ANKRD30B: variants seen among roughly 807,000 people sequenced by gnomAD.
ANKRD30B encodes the protein ankyrin repeat domain 30B.
ANKRD30B carries 144 observed loss-of-function variants against 202.2 expected under a neutral mutation model. The ratio of observed to expected loss-of-function variants is 0.71; its 90% CI spans 0.62 to 0.82. The LOEUF (loss-of-function observed/expected upper bound fraction) is 0.82. Among genes scored for constraint, ANKRD30B ranks in the 40% least tolerant of loss-of-function variants. The pLI is 0.00. For synonymous variants in ANKRD30B, 508 were observed against 561.3 expected (o/e 0.91, Z 1.34); for missense variants, 1,487 against 1,669.1 (o/e 0.89, Z 1.90).
chr18:14,803,698 T>G (rs1345225150), intron 23 of ANKRD30B, 36 bp from the exon 24 acceptor site: 1 of 1,544,010 alleles, frequency 6.5e-7, no homozygotes, highest in South Asian at 1.2e-5. Context: ...TTGGGATTTC[T>G]CCATTGAAAT....
the ANKRD30B span, among the ~76,000 whole-genome samples, chr18:14,890,909 CAT>C: frequency 6.6e-6 from 1 of 152,050 alleles, no homozygotes; most frequent in South Asian, 2.1e-4. Flanking sequence ...ATTTACAAAA[CAT>C]GTTTGCATAA....
At chr18:14,891,825 A>G in the ANKRD30B span, among the ~76,000 whole-genome samples, 3 of 152,260 alleles carry the variant, frequency 2.0e-5, no homozygotes, top group African/African-American at 7.2e-5. Context: ...GCTTCATTGC[A>G]TTAAAGGAAG....
At chr18:14,901,702 T>G in the ANKRD30B span, among the ~76,000 whole-genome samples, 2 of 152,196 alleles carry the variant, frequency 1.3e-5, no homozygotes, top group South Asian at 2.1e-4. Flanking sequence ...TATTTGTATT[T>G]TATGTCAATA....
chr18:14,899,088 T>C, the ANKRD30B span, among the ~76,000 whole-genome samples: 1 of 152,200 alleles, frequency 6.6e-6, no homozygotes, highest in Admixed American at 6.5e-5. Flanking sequence ...TTTAATCTTG[T>C]CATTATTTTA....
chr18:14,919,797 G>A, the ANKRD30B span, among the ~76,000 whole-genome samples: 1 of 152,226 alleles, frequency 6.6e-6, no homozygotes, highest in Non-Finnish European at 1.5e-5. Flanking sequence ...TTTTCTGTAT[G>A]AAGAGTGCCA....
At chr18:14,896,978 AAAAC>A in the ANKRD30B span, among the ~76,000 whole-genome samples, 2 of 151,786 alleles carry the variant, frequency 1.3e-5, no homozygotes, top group Non-Finnish European at 2.9e-5. Flanking sequence ...AAAAAAAAAA[AAAAC>A]AGGAAAATAA....
At chr18:14,860,937 G>C in the ANKRD30B span, among the ~76,000 whole-genome samples, 1 of 151,766 alleles carries the variant, frequency 6.6e-6, no homozygotes, top group South Asian at 2.1e-4. Context: ...CTGACCTCAG[G>C]TGATCTGCCT....
At chr18:14,879,571 G>A in the ANKRD30B span, among the ~76,000 whole-genome samples, 1 of 152,266 alleles carries the variant, frequency 6.6e-6, no homozygotes, top group Admixed American at 6.5e-5. Context: ...AGGGTTAGGG[G>A]TTAGGGGTTA....
At chr18:14,860,676 G>A in the ANKRD30B span, among the ~76,000 whole-genome samples, 1 of 151,464 alleles carries the variant, frequency 6.6e-6, no homozygotes. Context: ...CCTAGCGTTA[G>A]TCTTCTTAAA....
the ANKRD30B span, among the ~76,000 whole-genome samples, chr18:14,896,019 T>C: frequency 6.6e-6 from 1 of 152,220 alleles, no homozygotes; most frequent in East Asian, 1.9e-4. Flanking sequence ...AAACTGATGG[T>C]ATAAATAAAT....
intron 4 of ANKRD30B, 83 bp downstream of exon 4, chr18:14,755,088 A>C (rs12956014): frequency 7.9e-6 from 6 of 762,594 alleles, no homozygotes; most frequent in Non-Finnish European, 9.7e-6. Flanking sequence ...TATTAAATTA[A>C]CAACATTTAG....
the ANKRD30B span, among the ~76,000 whole-genome samples, chr18:14,886,275 C>CT: frequency 1.3e-5 from 2 of 151,926 alleles, no homozygotes; most frequent in African/African-American, 2.4e-5. Context: ...GCTGCATGAC[C>CT]TTAGGTTTAT....
At chr18:14,846,081 T>G (rs1328979049) in intron 39 of ANKRD30B, among the ~76,000 whole-genome samples, 1 of 151,662 alleles carries the variant, frequency 6.6e-6, no homozygotes, top group Non-Finnish European at 1.5e-5. Flanking sequence ...TTTTTTTTTT[T>G]TTAGCTTCTT....
chr18:14,814,650 T>G lies in ANKRD30B; in HGVS notation c.2580T>G (p.Asp860Glu), dbSNP rs768118757. The stretch of plus-strand genomic sequence containing the variant: ...TCCTTGAGGCTCTCTTACAGAATGA[T>G]GGGTGTTTACCCAAGGCTACACATC... ...ESFLEALLQN[D>E]GCLPKATHQK... Residue 860 changes from aspartate to glutamate, a missense_variant, in exon 30 of 44, where the codon GAT becomes GAG. Transcript: ENST00000690538. 7 of 1,181,370 alleles carry G rather than the reference T, an allele frequency of 5.9e-6. 2 individuals are homozygous for G. The highest frequency in any genetic ancestry group is 8.3e-6 in the Non-Finnish European group (7 of 839,060). 73.2% of individuals were successfully genotyped at this position (1,181,370 alleles called of 1,614,324 possible).
In ANKRD30B at chr18:14,782,643, T is replaced by G. The variant is rs756594376; in HGVS notation, c.1570+29T>G. On this transcript the variant is annotated intron_variant, in intron 12 of 43. Transcript: ENST00000690538. ...AGAACAACTTTTTATTTGAAAAGTCTTTTAACCATATGTTTGTCTAAACGC... is the reference window on the plus strand; with the variant it reads ...AGAACAACTTTTTATTTGAAAAGTCGTTTAACCATATGTTTGTCTAAACGC... 4 of 1,448,674 alleles carry G rather than the reference T, an allele frequency of 2.8e-6. No homozygotes were observed. The Admixed American group carries it at 9.0e-5, about 32-fold the overall frequency. The allele number at this position is 1,448,674 out of a possible 1,614,324, so 89.7% of individuals were successfully genotyped here.
the ANKRD30B span, among the ~76,000 whole-genome samples, chr18:14,897,438 C>T: frequency 6.6e-6 from 1 of 152,130 alleles, no homozygotes; most frequent in Non-Finnish European, 1.5e-5. Flanking sequence ...GCCTCAGCCT[C>T]CCAAAGTGTT....
chr18:14,918,413 G>T, the ANKRD30B span, among the ~76,000 whole-genome samples: 79,761 of 151,972 alleles, frequency 0.52, 21,266 homozygotes, highest in African/African-American at 0.6. Flanking sequence ...ATGTAGGAGC[G>T]TATTAATATC....
At chr18:14,889,287 A>C in the ANKRD30B span, among the ~76,000 whole-genome samples, 1 of 152,100 alleles carries the variant, frequency 6.6e-6, no homozygotes, top group Admixed American at 6.6e-5. Flanking sequence ...TGCCTCCCTC[A>C]GGTGAGAGAC....
At chr18:14,776,557 A>G (rs1432989390) in intron 9 of ANKRD30B, among the ~76,000 whole-genome samples, 1 of 152,212 alleles carries the variant, frequency 6.6e-6, no homozygotes, top group African/African-American at 2.4e-5. Context: ...TTTGTTCTTA[A>G]CAACTTAGAA....
Sources: gnomAD v4.1 joint callset for allele counts (sites outside exome capture counted in the v4.1 genomes callset) on GRCh38, gnomAD v4.1.1 for gene constraint, MANE v1.5 for transcripts, NCBI Gene and HGNC (gene_info 2026-07-23, HGNC 2026-07-21) for gene names.